The following FAT3 variants were observed in gnomAD, a reference collection of about 807,000 sequenced individuals.
The protein encoded by FAT3 is protocadherin Fat 3.
FAT3 carries 95 observed loss-of-function variants against 310.2 expected under a neutral mutation model. The ratio of observed to expected loss-of-function variants is 0.31; its 90% CI spans 0.26 to 0.36. The LOEUF is 0.36. FAT3 is among the 10% of genes least tolerant of loss of function. FAT3 has a pLI of 1.00. For missense variants in FAT3, 5,408 were observed against 5,715.6 expected (o/e 0.95, Z 1.74); for synonymous variants, 2,314 against 2,192.9 (o/e 1.06, Z -1.54).
At chr11:92,625,539 C>T (rs762119174) in intron 3 of FAT3, among the ~76,000 whole-genome samples, 1 of 152,176 alleles carries the variant, frequency 6.6e-6, no homozygotes, top group African/African-American at 2.4e-5. Context: ...CTGGAGCACC[C>T]AACAAAGCTC....
intron 13 of FAT3, among the ~76,000 whole-genome samples, chr11:92,818,564 T>A (rs183042388): frequency 6.6e-6 from 1 of 152,234 alleles, no homozygotes; most frequent in African/African-American, 2.4e-5. Context: ...GGAGATCAGG[T>A]CACAGGGATA....
chr11:92,757,219 C>T (rs371649381), intron 4 of FAT3, among the ~76,000 whole-genome samples: 20 of 151,982 alleles, frequency 1.3e-4, no homozygotes, highest in East Asian at 3.9e-4. Context: ...CCACTGCACC[C>T]GGCCTATTTG....
Position 92,585,354 on chromosome 11 carries a change from G to A in FAT3, c.3607+60406G>A, listed in dbSNP as rs1200846669. Reference sequence around the variant, plus strand: ...ATGAAATGTACAAAGCCACACAACAGATTTCCCACTAGTGTGTTGGCCTGG... The same window carrying A: ...ATGAAATGTACAAAGCCACACAACAAATTTCCCACTAGTGTGTTGGCCTGG... On this transcript the variant is annotated intron_variant, in intron 3 of 27. Coordinates refer to ENST00000525166, the MANE Select transcript of FAT3 (RefSeq NM_001367949.2). Among the ~76,000 whole-genome samples, 4 of 152,140 alleles carry A rather than the reference G, an allele frequency of 2.6e-5. No individual in the cohort carries two copies. In the East Asian group the frequency reaches 7.7e-4, roughly 29 times the overall value.
At chr11:92,665,965 G>C (rs1211085469) in intron 3 of FAT3, among the ~76,000 whole-genome samples, 1 of 152,116 alleles carries the variant, frequency 6.6e-6, no homozygotes, top group Non-Finnish European at 1.5e-5. Flanking sequence ...GAGGCCAGAA[G>C]TTTAAGACCA....
At chr11:92,727,489 C>T (rs1209365478) in intron 4 of FAT3, among the ~76,000 whole-genome samples, 1 of 152,044 alleles carries the variant, frequency 6.6e-6, no homozygotes, top group East Asian at 1.9e-4. Flanking sequence ...AGAGGAAGAC[C>T]TGGTAGATAA....
At chr11:92,489,240 T>G (rs1218981133) in intron 2 of FAT3, among the ~76,000 whole-genome samples, 1 of 152,104 alleles carries the variant, frequency 6.6e-6, no homozygotes, top group Non-Finnish European at 1.5e-5. Context: ...ATGTTAGCCC[T>G]AGCACTTAGG....
intron 2 of FAT3, among the ~76,000 whole-genome samples, chr11:92,480,803 C>A (rs1952203189): frequency 6.6e-6 from 1 of 152,116 alleles, no homozygotes; most frequent in South Asian, 2.1e-4. Context: ...CCATTGGATG[C>A]TGCATGACCA....
intron 3 of FAT3, among the ~76,000 whole-genome samples, chr11:92,535,273 A>G (rs1356854353): frequency 6.6e-6 from 1 of 152,166 alleles, no homozygotes; most frequent in East Asian, 1.9e-4. Flanking sequence ...CCACAAGCCA[A>G]GGAATTCCAA....
intron 2 of FAT3, among the ~76,000 whole-genome samples, chr11:92,494,040 T>C (rs1263785097): frequency 6.6e-6 from 1 of 151,982 alleles, no homozygotes; most frequent in Admixed American, 6.6e-5. Flanking sequence ...TATTTTTTTT[T>C]TTTTTTTGGT....
At chr11:92,397,722 C>A (rs1174170805) in intron 2 of FAT3, among the ~76,000 whole-genome samples, 2 of 151,684 alleles carry the variant, frequency 1.3e-5, no homozygotes, top group African/African-American at 4.8e-5. Context: ...CCATCCCCCG[C>A]TTGCGAACAC....
chr11:92,531,349 G>T (rs947890638), intron 3 of FAT3, among the ~76,000 whole-genome samples: 18 of 152,096 alleles, frequency 1.2e-4, no homozygotes, highest in Admixed American at 7.2e-4. Flanking sequence ...TTGTCATTAT[G>T]TCCCCAGGGA....
intron 2 of FAT3, among the ~76,000 whole-genome samples, chr11:92,406,921 G>A (rs565664867): frequency 6.6e-6 from 1 of 152,274 alleles, no homozygotes; most frequent in East Asian, 1.9e-4. Flanking sequence ...ACTCTACAGA[G>A]CATGAAGGGG....
At chr11:92,484,376 A>G (rs1006116100) in intron 2 of FAT3, among the ~76,000 whole-genome samples, 9 of 152,286 alleles carry the variant, frequency 5.9e-5, no homozygotes, top group South Asian at 4.1e-4. Flanking sequence ...GTGTTTGACT[A>G]TATTATAAGT....
chr11:92,510,251 G>A (rs568581009), intron 2 of FAT3, among the ~76,000 whole-genome samples: 43 of 152,150 alleles, frequency 2.8e-4, no homozygotes, highest in African/African-American at 9.9e-4. Flanking sequence ...GCCATGTCTC[G>A]ACTTCATTTC....
chr11:92,600,623 G>A (rs552334430), intron 3 of FAT3, among the ~76,000 whole-genome samples: 2 of 152,168 alleles, frequency 1.3e-5, no homozygotes, highest in South Asian at 2.1e-4. Context: ...AGGATGTGTT[G>A]TAAGTGCAGA....
chr11:92,809,124 G>T (rs1413816491), intron 12 of FAT3, among the ~76,000 whole-genome samples: 1 of 152,010 alleles, frequency 6.6e-6, no homozygotes, highest in Non-Finnish European at 1.5e-5. Flanking sequence ...ACAAAAGCTG[G>T]TTTCCAGCAC....
At chr11:92,404,771 G>T (rs1433751791) in intron 2 of FAT3, among the ~76,000 whole-genome samples, 1 of 151,738 alleles carries the variant, frequency 6.6e-6, no homozygotes, top group Admixed American at 6.6e-5. Flanking sequence ...CACCATTGTG[G>T]GTGAGTATCA....
At chr11:92,779,512 G>C (rs542819131) in intron 7 of FAT3, among the ~76,000 whole-genome samples, 3 of 152,004 alleles carry the variant, frequency 2.0e-5, no homozygotes, top group African/African-American at 7.2e-5. Context: ...ATAACAGACT[G>C]AAACACATGA....
intron 3 of FAT3, among the ~76,000 whole-genome samples, chr11:92,693,002 C>T (rs2135893768): frequency 6.6e-6 from 1 of 152,290 alleles, no homozygotes; most frequent in African/African-American, 2.4e-5. Flanking sequence ...ACCATAACTA[C>T]TTAGAACATT....
Sources: allele counts gnomAD v4.1 joint callset (sites outside exome capture counted in the v4.1 genomes callset), GRCh38; gene constraint gnomAD v4.1.1; transcripts MANE v1.5; gene names NCBI Gene and HGNC (gene_info 2026-07-23, HGNC 2026-07-21).